TMEM272: variants seen among roughly 807,000 people sequenced by gnomAD.
The protein encoded by TMEM272 is transmembrane protein 272.
TMEM272 carries 8 observed loss-of-function variants against 3.7 expected under a neutral mutation model. The observed-to-expected ratio is 2.17, with a 90% confidence interval of 1.27 to 3.91. TMEM272 has a LOEUF of 3.91. Among genes scored for constraint, TMEM272 ranks in the 30% most tolerant of loss-of-function variants. The probability of loss-of-function intolerance (pLI) is 0.00; values close to 1 mark genes in which losing one functional copy is unlikely to be tolerated. For synonymous variants in TMEM272, 63 were observed against 39.8 expected, an observed-to-expected ratio of 1.58 and a Z score of -2.20; for missense variants, 166 against 91.5, an observed-to-expected ratio of 1.81 and a Z score of -3.32.
the TMEM272 span, chr13:51,865,959 A>T: frequency 1.9e-6 from 3 of 1,614,066 alleles, no homozygotes; most frequent in South Asian, 3.3e-5. Flanking sequence ...CTCTGGGAGG[A>T]AGAGAGGGCC....
chr13:51,923,250 A>G, the TMEM272 span, among the ~76,000 whole-genome samples: 1 of 152,230 alleles, frequency 6.6e-6, no homozygotes, highest in Non-Finnish European at 1.5e-5. Context: ...AACCAAGTCC[A>G]GTCCTAGACA....
the TMEM272 span, among the ~76,000 whole-genome samples, chr13:51,877,094 C>G: frequency 6.6e-6 from 1 of 152,166 alleles, no homozygotes; most frequent in African/African-American, 2.4e-5. Context: ...GGATTGAGAA[C>G]CAGAGATAGA....
At chr13:51,870,800 T>C in the TMEM272 span, among the ~76,000 whole-genome samples, 1 of 152,264 alleles carries the variant, frequency 6.6e-6, no homozygotes, top group Non-Finnish European at 1.5e-5. Flanking sequence ...AGCACGGGGA[T>C]AGATGGAGCC....
At chr13:51,929,394 C>T in the TMEM272 span, among the ~76,000 whole-genome samples, 6 of 152,170 alleles carry the variant, frequency 3.9e-5, no homozygotes, top group Non-Finnish European at 7.4e-5. Context: ...CAGGGCTAAC[C>T]TCCAGCCTCA....
the TMEM272 span, among the ~76,000 whole-genome samples, chr13:51,873,583 C>G: frequency 6.6e-6 from 1 of 152,232 alleles, no homozygotes; most frequent in Non-Finnish European, 1.5e-5. Context: ...TCTGCTCCAG[C>G]CACACAGAAC....
chr13:51,900,101 T>C, the TMEM272 span, among the ~76,000 whole-genome samples: 5 of 152,142 alleles, frequency 3.3e-5, no homozygotes, highest in Admixed American at 3.3e-4. Flanking sequence ...AATGGTTTCT[T>C]AGACACTGAA....
chr13:51,925,990 T>C, the TMEM272 span, among the ~76,000 whole-genome samples: 2 of 152,100 alleles, frequency 1.3e-5, no homozygotes, highest in African/African-American at 2.4e-5. Flanking sequence ...TATGTGTCTA[T>C]GTGTATGTGG....
chr13:51,863,952 T>C, the TMEM272 span, among the ~76,000 whole-genome samples: 14 of 152,142 alleles, frequency 9.2e-5, no homozygotes, highest in Admixed American at 6.5e-5. Flanking sequence ...TCTAACCACC[T>C]TCCTATGTCC....
chr13:51,829,728 C>A (rs1394338264), intron 2 of TMEM272, among the ~76,000 whole-genome samples: 3 of 152,136 alleles, frequency 2.0e-5, no homozygotes, highest in Admixed American at 6.5e-5. Flanking sequence ...CAGTGAGTGA[C>A]ACAAAGAAAT....
At chr13:51,919,873 G>A in the TMEM272 span, among the ~76,000 whole-genome samples, 3 of 152,180 alleles carry the variant, frequency 2.0e-5, no homozygotes, top group Non-Finnish European at 4.4e-5. Flanking sequence ...CAAAGAAAGT[G>A]AGTACTTTCA....
the TMEM272 span, among the ~76,000 whole-genome samples, chr13:51,898,402 A>C: frequency 8.2e-4 from 124 of 151,732 alleles, 1 homozygote; most frequent in Admixed American, 3.5e-3. Context: ...GTTTTCAAAG[A>C]ACTAATTGAG....
At chr13:51,826,875 A>G (rs1956130338) in intron 2 of TMEM272, among the ~76,000 whole-genome samples, 1 of 152,040 alleles carries the variant, frequency 6.6e-6, no homozygotes, top group East Asian at 1.9e-4. Flanking sequence ...GATATCCTGC[A>G]GGACCTCTCC....
At chr13:51,878,402 C>G in the TMEM272 span, among the ~76,000 whole-genome samples, 12,651 of 152,112 alleles carry the variant, frequency 0.083, 599 homozygotes, top group Middle Eastern at 0.12. Flanking sequence ...TGTGCTCCAG[C>G]CTGGGTGACA....
chr13:51,900,499 T>C, the TMEM272 span, among the ~76,000 whole-genome samples: 1 of 152,126 alleles, frequency 6.6e-6, no homozygotes, highest in South Asian at 2.1e-4. Context: ...AAATTGGAAC[T>C]CTCATGCATC....
chr13:51,880,808 G>C, the TMEM272 span, among the ~76,000 whole-genome samples: 1 of 152,178 alleles, frequency 6.6e-6, no homozygotes, highest in Non-Finnish European at 1.5e-5. Flanking sequence ...GCTATGGAGG[G>C]GGTGAGGGAT....
chr13:51,933,456 A>G, the TMEM272 span: 1 of 152,230 alleles, frequency 6.6e-6, no homozygotes, highest in Non-Finnish European at 1.5e-5. Context: ...TGTGTGGGAG[A>G]AAAGGGTTTC....
the TMEM272 span, chr13:51,934,288 A>G: frequency 3.7e-6 from 1 of 267,128 alleles, no homozygotes; most frequent in Non-Finnish European, 7.5e-6. Context: ...CAACAGGCAC[A>G]CCTGAGGTAA....
chr13:51,857,518 G>A, the TMEM272 span, among the ~76,000 whole-genome samples: 1 of 152,046 alleles, frequency 6.6e-6, no homozygotes, highest in African/African-American at 2.4e-5. Flanking sequence ...TATAAGTGGA[G>A]TTAAAATCAT....
chr13:51,871,761 CA>C, the TMEM272 span, among the ~76,000 whole-genome samples: 1 of 147,118 alleles, frequency 6.8e-6, no homozygotes, highest in South Asian at 2.3e-4. Flanking sequence ...ATTTGTTATG[CA>C]AAAATAGATA....
Sources: allele counts gnomAD v4.1 joint callset (sites outside exome capture counted in the v4.1 genomes callset), GRCh38; gene constraint gnomAD v4.1.1; transcripts MANE v1.5; gene names NCBI Gene and HGNC (gene_info 2026-07-23, HGNC 2026-07-21).